Variants in COL5A1 observed in about 807,000 individuals in gnomAD.
COL5A1 encodes the protein collagen type V alpha 1 chain.
COL5A1 carries 16 observed loss-of-function variants against 263.7 expected under a neutral mutation model. That is an observed-to-expected ratio of 0.06 (90% CI 0.04 to 0.09). The LOEUF (loss-of-function observed/expected upper bound fraction) is 0.09. Ranked by LOEUF, COL5A1 falls within the 10% of genes least tolerant of loss-of-function variation. The pLI is 1.00. For synonymous variants in COL5A1, 1,012 were observed against 1,004.5 expected (o/e 1.01, Z -0.14); for missense variants, 2,036 against 2,540.5 (o/e 0.80, Z 4.27).
rs200959477 is a variant in COL5A1 at position 134,731,639 on chromosome 9, G to C, written c.1308G>C (p.Ala436=). The C allele has an allele frequency of 1.9e-6, 3 of 1,613,876 alleles. No homozygotes were observed. The highest frequency in any genetic ancestry group is 2.2e-5 in the South Asian group (2 of 91,086). ...SPSEIGPGMP[A]NQDTIYEGIG... The stretch of plus-strand genomic sequence containing the variant: ...CGGAGATCGGGCCGGGAATGCCGGC[G>C]AACCAGGATACCATCTATGAAGGGG... The change falls in exon 8 of 66, where the codon GCG becomes GCC. Residue 436 remains alanine, a synonymous_variant. Transcript: ENST00000371817.
chr9:134,817,956 A>T (rs1214624245), intron 54 of COL5A1, 125 bp downstream of exon 54: 2 of 979,662 alleles, frequency 2.0e-6, no homozygotes, highest in Non-Finnish European at 3.2e-6. Context: ...CCCCAGGGGC[A>T]CCTGGCTCAT....
intron 32 of COL5A1, among the ~76,000 whole-genome samples, chr9:134,791,638 G>C (rs1246829943): frequency 6.6e-6 from 1 of 151,942 alleles, no homozygotes; most frequent in Non-Finnish European, 1.5e-5. Flanking sequence ...GACTGCAGAA[G>C]CCTCACTTAG....
At chr9:134,750,283 G>C (rs1835726333) in intron 11 of COL5A1, among the ~76,000 whole-genome samples, 1 of 152,152 alleles carries the variant, frequency 6.6e-6, no homozygotes, top group African/African-American at 2.4e-5. Context: ...TGGGTCTCTG[G>C]ATTTCTCTAT....
intron 64 of COL5A1, 108 bp downstream of exon 64, chr9:134,830,152 T>C (rs1839545768): frequency 1.2e-6 from 2 of 1,611,884 alleles, no homozygotes; most frequent in African/African-American, 2.7e-5. Context: ...CCACCTGGTA[T>C]AGTCAGTACA....
chr9:134,816,944 G>A (rs2132858420), intron 52 of COL5A1, 82 bp from the exon 53 acceptor site: 1 of 1,278,508 alleles, frequency 7.8e-7, no homozygotes, highest in Non-Finnish European at 1.1e-6. Context: ...GGAGTAAATA[G>A]ACTGAAATCG....
At chr9:134,649,743 T>C (rs1032739501) in intron 1 of COL5A1, among the ~76,000 whole-genome samples, 1 of 152,224 alleles carries the variant, frequency 6.6e-6, no homozygotes, top group Non-Finnish European at 1.5e-5. Flanking sequence ...CGTATGTTTA[T>C]TGCGGCACTG....
At chr9:134,798,096 T>A (rs1329748248) in intron 36 of COL5A1, among the ~76,000 whole-genome samples, 1 of 152,210 alleles carries the variant, frequency 6.6e-6, no homozygotes, top group Non-Finnish European at 1.5e-5. Flanking sequence ...TGGCACCGGC[T>A]GTGTCACCTG....
intron 1 of COL5A1, among the ~76,000 whole-genome samples, chr9:134,675,758 G>T (rs1198039530): frequency 1.3e-5 from 2 of 152,136 alleles, no homozygotes; most frequent in Non-Finnish European, 2.9e-5. Context: ...TGAGGGCCTG[G>T]GGTTCTCTTC....
At chr9:134,645,158 G>A (rs1292483428) in intron 1 of COL5A1, among the ~76,000 whole-genome samples, 2 of 152,178 alleles carry the variant, frequency 1.3e-5, no homozygotes, top group Non-Finnish European at 2.9e-5. Context: ...CCAGTGCCAG[G>A]CTCACAGTGG....
chr9:134,810,942 A>G lies in COL5A1; in HGVS notation c.3529-397A>G, dbSNP rs77666268. On this transcript the variant is annotated intron_variant, in intron 44 of 65. Coordinates refer to ENST00000371817, the MANE Select transcript of COL5A1 (RefSeq NM_000093.5). ...TTGCTTGCCTCCTTCCCATGGTCCC[A>G]TGCGGGAGGTCTCTTGAGGATGGCA... Among the ~76,000 whole-genome samples the G allele has an allele frequency of 6.5e-3, 991 of 152,228 alleles. 12 individuals are homozygous for G. The highest frequency in any genetic ancestry group is 0.023 in the African/African-American group (935 of 41,540).
At chr9:134,688,310 C>T (rs932519392) in intron 1 of COL5A1, among the ~76,000 whole-genome samples, 17 of 152,280 alleles carry the variant, frequency 1.1e-4, no homozygotes, top group Middle Eastern at 3.4e-3. Flanking sequence ...AAGCCCCGGC[C>T]GGGATCCTTG....
Position 134,842,450 on chromosome 9 carries a change from G to A in COL5A1, c.*147G>A, listed in dbSNP as rs926397073. 17 of 972,672 alleles carry A rather than the reference G, an allele frequency of 1.7e-5. No individual in the cohort carries two copies. The highest frequency in any genetic ancestry group is 2.6e-5 in the Non-Finnish European group (17 of 644,302). 60.3% of individuals were successfully genotyped at this position (972,672 alleles called of 1,614,324 possible). A position where few individuals can be genotyped will look rare whatever the true frequency, so the allele number is the denominator to read the frequency against. On this transcript the variant is annotated 3_prime_UTR_variant, in exon 66 of 66. Coordinates refer to ENST00000371817, the MANE Select transcript of COL5A1 (RefSeq NM_000093.5). This position sits in a 1 kb window ranked among gnomAD's most constrained non-coding sequence, Gnocchi z 5.8. ...CTTCATCTACGCCTCGGCACCACGG[G>A]GTGTGGGACCCCAGCCCGGAGAGAA...
In COL5A1 at chr9:134,729,286, G is replaced by T. The variant is rs368709927; in HGVS notation, c.924+479G>T. 1.3e-3 allele frequency among the ~76,000 whole-genome samples: 200 copies of T among 152,312 alleles called. 1 individual carries two copies. The Middle Eastern group carries it at 0.024, about 18-fold the overall frequency. ...AAATTGGGGAGGGTTGTGAGGGTGCGTGAGCGGCAGTGAGAGCCGGAGGGT... is the reference window on the plus strand; with the variant it reads ...AAATTGGGGAGGGTTGTGAGGGTGCTTGAGCGGCAGTGAGAGCCGGAGGGT... On this transcript the variant is annotated intron_variant, in intron 6 of 65. Coordinates refer to ENST00000371817, the MANE Select transcript of COL5A1 (RefSeq NM_000093.5).
chr9:134,736,854 G>A (rs1835118393), intron 9 of COL5A1, among the ~76,000 whole-genome samples: 1 of 152,254 alleles, frequency 6.6e-6, no homozygotes, highest in Non-Finnish European at 1.5e-5. Flanking sequence ...CATGAAGAAA[G>A]GGGTAGCAGC....
In COL5A1 at chr9:134,758,320, C is replaced by G. The variant is rs772341861; in HGVS notation, c.1935+24C>G. On this transcript the variant is annotated intron_variant, in intron 18 of 65. Transcript: ENST00000371817. This position sits in a 1 kb window ranked among gnomAD's most constrained non-coding sequence, Gnocchi z 4.1. ...GGGTGAGTATTTCCTCTGTGAGACA[C>G]AGGCATGACGATGGGCAGCAGAGGT... 6.8e-6 allele frequency: 11 copies of G among 1,612,686 alleles called. No homozygotes were observed. In the East Asian group the frequency reaches 1.8e-4, roughly 26 times the overall value.
intron 49 of COL5A1, 57 bp from the exon 50 acceptor site, chr9:134,814,740 G>C (rs772701963): frequency 3.8e-5 from 51 of 1,341,614 alleles, no homozygotes; most frequent in Non-Finnish European, 5.2e-5. Context: ...GGCCCACCTT[G>C]CTCTGGGCGG....
intron 18 of COL5A1, among the ~76,000 whole-genome samples, chr9:134,761,662 G>GC (rs1836448917): frequency 6.6e-6 from 1 of 152,204 alleles, no homozygotes; most frequent in Admixed American, 6.5e-5. Context: ...CACATGTGTG[G>GC]CCCTGCCTTG....
At chr9:134,780,971 C>T (rs1837229240) in intron 28 of COL5A1, among the ~76,000 whole-genome samples, 1 of 152,250 alleles carries the variant, frequency 6.6e-6, no homozygotes, top group Admixed American at 6.5e-5. Context: ...CATGTTGGTC[C>T]CCTTTGCTGG....
intron 64 of COL5A1, among the ~76,000 whole-genome samples, chr9:134,833,747 A>G (rs1400712138): frequency 6.6e-6 from 1 of 152,196 alleles, no homozygotes; most frequent in Non-Finnish European, 1.5e-5. Context: ...CCGTGGCTCC[A>G]GCTGCTCACA....
Sources: allele counts gnomAD v4.1 joint callset (sites outside exome capture counted in the v4.1 genomes callset), GRCh38; gene constraint gnomAD v4.1.1; non-coding constraint Gnocchi (gnomAD v3.1); transcripts MANE v1.5; gene names NCBI Gene and HGNC (gene_info 2026-07-23, HGNC 2026-07-21).